Variants in RBM6 observed in about 807,000 individuals in gnomAD.
RBM6 encodes RNA-binding protein 6.
RBM6 carries 23 observed loss-of-function variants against 140.4 expected under a neutral mutation model. The observed-to-expected ratio is 0.16, with a 90% CI of 0.12 to 0.23. The LOEUF is 0.23. Ranked by LOEUF, RBM6 falls within the 10% of genes least tolerant of loss-of-function variation. RBM6 has a pLI of 1.00. For missense variants in RBM6, 1,139 were observed against 1,386.7 expected (o/e 0.82, Z 2.84); for synonymous variants, 439 against 475.6 (o/e 0.92, Z 1.00).
chr3:50,063,054 C>T (rs962745363), intron 15 of RBM6, among the ~76,000 whole-genome samples: 8 of 152,034 alleles, frequency 5.3e-5, no homozygotes, highest in African/African-American at 1.9e-4. Context: ...CCACCATGAC[C>T]AGCTAATTTT....
At chr3:49,952,320 C>G (rs140900564) in intron 1 of RBM6, among the ~76,000 whole-genome samples, 1 of 151,988 alleles carries the variant, frequency 6.6e-6, no homozygotes, top group African/African-American at 2.4e-5. Context: ...TGAGCCACTG[C>G]GCCTGGCCCC....
At chr3:50,011,009 A>G (rs948943297) in intron 6 of RBM6, among the ~76,000 whole-genome samples, 1 of 150,510 alleles carries the variant, frequency 6.6e-6, no homozygotes, top group Non-Finnish European at 1.5e-5. Flanking sequence ...ACCCTACCCC[A>G]ACCCCCCAAA....
chr3:49,984,141 A>G (rs558000030), intron 5 of RBM6, among the ~76,000 whole-genome samples: 3 of 152,168 alleles, frequency 2.0e-5, no homozygotes, highest in East Asian at 3.9e-4. Flanking sequence ...AAAAAATACA[A>G]AAAAAATTAG....
At chr3:50,006,477 G>A (rs1487643978) in intron 6 of RBM6, among the ~76,000 whole-genome samples, 1 of 152,102 alleles carries the variant, frequency 6.6e-6, no homozygotes, top group Non-Finnish European at 1.5e-5. Context: ...GTATAATGTA[G>A]CAGTATAACA....
chr3:50,013,865 G>A (rs2086980790), intron 6 of RBM6, among the ~76,000 whole-genome samples: 1 of 152,102 alleles, frequency 6.6e-6, no homozygotes, highest in African/African-American at 2.4e-5. Context: ...TTTTTGACAT[G>A]CTCTTCTCCT....
chr3:49,943,105 G>A (rs61156427), intron 1 of RBM6, among the ~76,000 whole-genome samples: 6 of 152,028 alleles, frequency 3.9e-5, no homozygotes, highest in African/African-American at 1.2e-4. Context: ...GGCTTAATCC[G>A]TTGTGTGTGT....
Position 50,057,821 on chromosome 3 carries a change from G to C in RBM6, c.1787G>C (p.Arg596Thr). 1 of 1,613,854 alleles carries C rather than the reference G, an allele frequency of 6.2e-7. No individual in the cohort carries two copies. The highest frequency in any genetic ancestry group is 8.5e-7 in the Non-Finnish European group (1 of 1,179,978). ...GAAAAACAGCCCAACCAGCCCCTAA[G>C]ACCAGCTGATAAGGAACCTGAACCC... ...PLEKQPNQPL[R>T]PADKEPEPRK... Residue 596 changes from arginine to threonine, a missense_variant, in exon 9 of 21, where the codon AGA (arginine) becomes ACA (threonine). Transcript: ENST00000266022.
intron 1 of RBM6, among the ~76,000 whole-genome samples, chr3:49,942,446 G>A (rs1341712849): frequency 3.4e-5 from 5 of 145,964 alleles, no homozygotes; most frequent in Admixed American, 7.1e-5. Flanking sequence ...CCGAGATTGC[G>A]CCACTGCACT....
chr3:49,979,266 A>G (rs1173919685), intron 5 of RBM6, among the ~76,000 whole-genome samples: 1 of 152,142 alleles, frequency 6.6e-6, no homozygotes, highest in African/African-American at 2.4e-5. Flanking sequence ...GCCAGGGGCT[A>G]AGCGGGAATG....
At chr3:50,057,688 T>TTA in intron 8 of RBM6, 40 bp from the exon 9 acceptor site, 1 of 1,472,686 alleles carries the variant, frequency 6.8e-7, no homozygotes, top group South Asian at 1.4e-5. Context: ...TTTTTTTTGA[T>TTA]AAAGCTTTCT....
At chr3:49,963,259 A>G (rs1044900229) in intron 2 of RBM6, among the ~76,000 whole-genome samples, 1 of 151,996 alleles carries the variant, frequency 6.6e-6, no homozygotes, top group Non-Finnish European at 1.5e-5. Context: ...TTTTGAGACA[A>G]GTCTCTCTCT....
intron 19 of RBM6, among the ~76,000 whole-genome samples, chr3:50,071,456 A>G (rs1424328420): frequency 6.6e-6 from 1 of 152,244 alleles, no homozygotes; most frequent in Non-Finnish European, 1.5e-5. Context: ...AGACTAATGC[A>G]TTATGCAAAT....
chr3:50,044,893 AAAT>A (rs1383391496), intron 6 of RBM6, among the ~76,000 whole-genome samples: 7 of 152,302 alleles, frequency 4.6e-5, no homozygotes, highest in Non-Finnish European at 2.9e-5. Context: ...GGTTTTGGAA[AAAT>A]AATAATAATT....
chr3:50,063,544 CT>C (rs1300701728), intron 15 of RBM6, among the ~76,000 whole-genome samples: 1 of 150,232 alleles, frequency 6.7e-6, no homozygotes, highest in Non-Finnish European at 1.5e-5. Flanking sequence ...TTGCAGTGAG[CT>C]GTGATTGCGC....
At chr3:50,047,061 G>T (rs1257803831) in intron 6 of RBM6, 4 of 519,902 alleles carry the variant, frequency 7.7e-6, no homozygotes, top group Non-Finnish European at 9.9e-6. Context: ...TCTCAGACCA[G>T]ATGCTAAGAC....
At chr3:50,009,201 A>T (rs558753778) in intron 6 of RBM6, among the ~76,000 whole-genome samples, 1 of 152,284 alleles carries the variant, frequency 6.6e-6, no homozygotes, top group Non-Finnish European at 1.5e-5. Flanking sequence ...ACAGCAAGAG[A>T]GTTGGGCTAA....
chr3:49,946,575 GC>G (rs2083495190), intron 1 of RBM6, among the ~76,000 whole-genome samples: 1 of 150,320 alleles, frequency 6.7e-6, no homozygotes, highest in African/African-American at 2.5e-5. Flanking sequence ...TCACTCTGTT[GC>G]CCAGGCCGGA....
chr3:50,074,275 T>G (rs1358817913), intron 19 of RBM6, among the ~76,000 whole-genome samples: 1 of 152,230 alleles, frequency 6.6e-6, no homozygotes, highest in Non-Finnish European at 1.5e-5. Flanking sequence ...TTGAAATTCC[T>G]GTCATTTTTG....
At position 50,058,454 on chromosome 3, in the gene RBM6, A is replaced by G; in HGVS notation, c.2022A>G (p.Glu674=). 6.2e-7 allele frequency: 1 copy of G among 1,608,480 alleles called. No individual in the cohort carries two copies. The highest frequency in any genetic ancestry group is 8.5e-7 in the Non-Finnish European group (1 of 1,174,862). The change falls in exon 10 of 21, where the codon GAA becomes GAG. Residue 674 remains glutamate (E), a synonymous_variant. Coordinates refer to ENST00000266022, the MANE Select transcript of RBM6 (RefSeq NM_005777.3). The part of the protein sequence containing the change: ...YRSTPPEVIV[E]VLEPYVRLTT... ...CCACACCACCTGAGGTGATAGTGGA[A>G]GTGCTGGAGCCCTATGTCCGCCTTA...
Sources: allele counts gnomAD v4.1 joint callset (sites outside exome capture counted in the v4.1 genomes callset), GRCh38; gene constraint gnomAD v4.1.1; transcripts MANE v1.5; gene names NCBI Gene and HGNC (gene_info 2026-07-23, HGNC 2026-07-21).